SPOP: variants seen among roughly 807,000 people sequenced by gnomAD.
SPOP encodes the protein speckle type BTB/POZ protein.
A neutral mutation model predicts 45.6 loss-of-function variants in SPOP; 11 were observed. That is an observed-to-expected ratio of 0.24 (90% CI 0.15 to 0.40). The LOEUF (loss-of-function observed/expected upper bound fraction) is 0.40, where lower values mean the gene tolerates loss of function less well. Among genes scored for constraint, SPOP ranks in the 10% least tolerant of loss-of-function variants. The probability of loss-of-function intolerance (pLI) is 1.00; values close to 1 mark genes in which losing one functional copy is unlikely to be tolerated. For synonymous variants in SPOP, 166 were observed against 166.3 expected (o/e 1.00, Z 0.01); for missense variants, 152 against 465.6 (o/e 0.33, Z 6.20).
rs554053613 is a variant in SPOP, at chr17:49,627,056, A to G, written c.-66-4180T>C. ...AGTAGAGACAGGGTTTCACCATGTTAGCCAGGATGGTCTCGATCTCCTGAC... is the reference window on the plus strand; with the variant it reads ...AGTAGAGACAGGGTTTCACCATGTTGGCCAGGATGGTCTCGATCTCCTGAC... On this transcript the variant is annotated intron_variant, in intron 1 of 9. Transcript: ENST00000504102. Among the ~76,000 whole-genome samples, 25 of 152,222 alleles carry G rather than the reference A, an allele frequency of 1.6e-4. 1 individual carries two copies. In the South Asian group the frequency reaches 1.9e-3, roughly 11 times the overall value.
chr17:49,635,103 G>A (rs2143396267), intron 1 of SPOP, among the ~76,000 whole-genome samples: 1 of 152,194 alleles, frequency 6.6e-6, no homozygotes, highest in East Asian at 1.9e-4. Flanking sequence ...CTATTTACAT[G>A]GACCACGTGC....
chr17:49,605,774 G>A (rs2071829969), intron 8 of SPOP, among the ~76,000 whole-genome samples: 1 of 152,002 alleles, frequency 6.6e-6, no homozygotes. Context: ...GATCACTTGA[G>A]GTCAGGAGTT....
chr17:49,675,665 C>T (rs953219280), intron 1 of SPOP, among the ~76,000 whole-genome samples: 3 of 152,168 alleles, frequency 2.0e-5, no homozygotes, highest in African/African-American at 7.2e-5. Context: ...AATCTAAAAG[C>T]ATTGCACGCC....
At chr17:49,607,160 T>C (rs937890283) in intron 8 of SPOP, 90 bp downstream of exon 8, 3 of 1,566,706 alleles carry the variant, frequency 1.9e-6, no homozygotes, top group Non-Finnish European at 2.6e-6. Context: ...TATGCTCATT[T>C]TACCCACAAT....
intron 1 of SPOP, among the ~76,000 whole-genome samples, chr17:49,663,689 T>G (rs572764214): frequency 3.9e-5 from 6 of 152,202 alleles, no homozygotes; most frequent in African/African-American, 1.4e-4. Context: ...GAGTTGTGAG[T>G]TGAACTAGCT....
At chr17:49,633,488 T>C (rs1489860147) in intron 1 of SPOP, among the ~76,000 whole-genome samples, 1 of 152,064 alleles carries the variant, frequency 6.6e-6, no homozygotes. Flanking sequence ...AAGGTTAAAA[T>C]ATGGAATAAT....
intron 1 of SPOP, among the ~76,000 whole-genome samples, chr17:49,642,107 G>T (rs1379470539): frequency 6.6e-6 from 1 of 152,030 alleles, no homozygotes; most frequent in African/African-American, 2.4e-5. Flanking sequence ...TGTACTGCTG[G>T]TGCGGTGCAA....
At chr17:49,615,015 T>C (rs144688119) in intron 5 of SPOP, among the ~76,000 whole-genome samples, 12 of 151,870 alleles carry the variant, frequency 7.9e-5, no homozygotes, top group Admixed American at 1.3e-4. Flanking sequence ...CGTGCCATCA[T>C]ACCTGGCTAA....
intron 1 of SPOP, among the ~76,000 whole-genome samples, chr17:49,665,559 G>A (rs1249376684): frequency 6.6e-6 from 1 of 151,038 alleles, no homozygotes; most frequent in Non-Finnish European, 1.5e-5. Context: ...AGCTTGCAGT[G>A]AGCCGAGATC....
intron 1 of SPOP, among the ~76,000 whole-genome samples, chr17:49,637,852 A>C (rs1349862899): frequency 6.6e-6 from 1 of 152,276 alleles, no homozygotes; most frequent in Non-Finnish European, 1.5e-5. Context: ...AGATGCATTT[A>C]AACAAAGCCA....
chr17:49,641,029 G>A (rs1271812626), intron 1 of SPOP, among the ~76,000 whole-genome samples: 1 of 152,016 alleles, frequency 6.6e-6, no homozygotes, highest in African/African-American at 2.4e-5. Flanking sequence ...TTGATATGCC[G>A]AGGCGGGTGG....
chr17:49,624,950 A>T (rs115683166), intron 1 of SPOP, among the ~76,000 whole-genome samples: 1 of 152,298 alleles, frequency 6.6e-6, no homozygotes, highest in African/African-American at 2.4e-5. Context: ...ACAGTGGAAA[A>T]TACATGTACC....
chr17:49,619,032 C>T lies in SPOP; in HGVS notation c.429G>A (p.Leu143=). The part of the protein sequence containing the change: ...FKKFIRRDFL[L]DEANGLLPDD... Reference sequence around the variant, plus strand: ...CAGGGAGAAGCCCGTTGGCCTCATCCAAAAGAAAATCTCTACGGATGAATT... The same window carrying T: ...CAGGGAGAAGCCCGTTGGCCTCATCTAAAAGAAAATCTCTACGGATGAATT... The change falls in exon 5 of 10, where the codon TTG becomes TTA. Residue 143 remains leucine, a synonymous_variant. Transcript: ENST00000504102. The surrounding 1 kb of genome is among the most constrained non-coding windows in gnomAD (Gnocchi z 4.9). The T allele has an allele frequency of 6.2e-7, 1 of 1,614,050 alleles. No homozygotes were observed. Among genetic ancestry groups the T allele is most frequent in the South Asian group, 1.1e-5 (1 of 91,068 alleles).
chr17:49,632,495 C>CTT (rs914600791), intron 1 of SPOP, among the ~76,000 whole-genome samples: 6 of 145,640 alleles, frequency 4.1e-5, no homozygotes, highest in East Asian at 2.0e-4. Context: ...TTAAATTCTT[C>CTT]TTTTTTTTTT....
intron 1 of SPOP, among the ~76,000 whole-genome samples, chr17:49,649,196 G>A (rs147869327): frequency 1.1e-3 from 171 of 152,292 alleles, no homozygotes; most frequent in Middle Eastern, 3.4e-3. Context: ...TCAGCCAGAA[G>A]CGGTGGTGTC....
chr17:49,632,054 C>T (rs2072460945), intron 1 of SPOP, among the ~76,000 whole-genome samples: 3 of 152,280 alleles, frequency 2.0e-5, no homozygotes, highest in South Asian at 4.1e-4. Flanking sequence ...GCATAACAGG[C>T]ACTCAGTAAA....
intron 6 of SPOP, among the ~76,000 whole-genome samples, chr17:49,608,958 G>C (rs2071910201): frequency 1.3e-5 from 2 of 151,524 alleles, no homozygotes; most frequent in South Asian, 4.2e-4. Context: ...GGCTAGAGTG[G>C]AGTGCAGTGG....
chr17:49,625,406 C>T (rs1043552769), intron 1 of SPOP, among the ~76,000 whole-genome samples: 10 of 152,068 alleles, frequency 6.6e-5, no homozygotes, highest in African/African-American at 9.7e-5. Context: ...GTTGGGAGTT[C>T]GAGACCAGCC....
chr17:49,638,507 T>G (rs1031196926), intron 1 of SPOP, among the ~76,000 whole-genome samples: 1 of 151,960 alleles, frequency 6.6e-6, no homozygotes, highest in Non-Finnish European at 1.5e-5. Context: ...GAAAATCACT[T>G]GAACCCCACA....
Sources: allele counts gnomAD v4.1 joint callset (sites outside exome capture counted in the v4.1 genomes callset), GRCh38; gene constraint gnomAD v4.1.1; non-coding constraint Gnocchi (gnomAD v3.1); transcripts MANE v1.5; gene names NCBI Gene and HGNC (gene_info 2026-07-23, HGNC 2026-07-21).